POC5: variants seen among roughly 807,000 people sequenced by gnomAD.
POC5 encodes POC5 centriolar protein.
A neutral mutation model predicts 62.9 loss-of-function variants in POC5; 48 were observed. The observed-to-expected ratio is 0.76, with a 90% CI of 0.61 to 0.97. POC5 has a LOEUF of 0.97. Among genes scored for constraint, POC5 ranks in the 50% least tolerant of loss-of-function variants. POC5 has a pLI of 0.00. For missense variants in POC5, 696 were observed against 679.5 expected (o/e 1.02, Z -0.27); for synonymous variants, 236 against 228.2 (o/e 1.03, Z -0.31).
chr5:75,690,273 T>C, intron 8 of POC5, 110 bp downstream of exon 8: 1 of 998,240 alleles, frequency 1.0e-6, no homozygotes. Context: ...TTCATTTTTT[T>C]GTCTGCATTC....
At chr5:75,702,557 T>C (rs747479479) in intron 5 of POC5, 48 bp downstream of exon 5, 1 of 1,522,914 alleles carries the variant, frequency 6.6e-7, no homozygotes, top group African/African-American at 1.4e-5. Context: ...AGTAAAACTA[T>C]TACATTACAT....
intron 4 of POC5, among the ~76,000 whole-genome samples, chr5:75,704,046 T>G (rs539698817): frequency 7.9e-5 from 12 of 151,736 alleles, no homozygotes; most frequent in African/African-American, 2.4e-4. Flanking sequence ...TCCCAGCTAC[T>G]TGGGAGGCTG....
At chr5:75,689,838 AC>A (rs1306404449) in intron 8 of POC5, among the ~76,000 whole-genome samples, 1 of 152,204 alleles carries the variant, frequency 6.6e-6, no homozygotes, top group Non-Finnish European at 1.5e-5. Flanking sequence ...TCCCATGAAA[AC>A]AATGTTAATT....
intron 10 of POC5, among the ~76,000 whole-genome samples, chr5:75,682,500 T>C (rs1775904358): frequency 6.7e-6 from 1 of 149,126 alleles, no homozygotes; most frequent in Admixed American, 6.8e-5. Flanking sequence ...AGTTGAATTT[T>C]AGTGTTTTAT....
chr5:75,707,755 C>A lies in POC5; in HGVS notation c.205G>T (p.Asp69Tyr). ...ATATAACCTTGACTATGAAGAATAT[C>A]ATGAATTGTAGAAATTCTGACATCT... ...VPDVRISTIH[D>Y]ILHSQGNNSE... is the part of the protein sequence containing the mutation. Residue 69 changes from aspartate to tyrosine, a missense_variant, in exon 3 of 12, where the codon GAT becomes TAT. Coordinates refer to ENST00000428202, the MANE Select transcript of POC5 (RefSeq NM_001099271.2). 1 of 1,546,742 alleles carries A rather than the reference C, an allele frequency of 6.5e-7. No individual in the cohort carries two copies.
chr5:75,696,429 G>C (rs1580030719), intron 5 of POC5, among the ~76,000 whole-genome samples: 1 of 152,310 alleles, frequency 6.6e-6, no homozygotes, highest in East Asian at 1.9e-4. Flanking sequence ...CTAACTGGGA[G>C]GCACCCCCCA....
chr5:75,688,204 T>C (rs17649030), intron 9 of POC5, among the ~76,000 whole-genome samples: 10,360 of 152,298 alleles, frequency 0.068, 378 homozygotes, highest in South Asian at 0.11. Context: ...TCTTGAGACG[T>C]TGACTTGAAT....
rs764889771 is a variant in POC5 at position 75,702,752 on chromosome 5, A to G, written c.366T>C (p.Ser122=). ...KPSHPVMDFF[S]SHLLADSSSP... is the part of the protein sequence containing the mutation. ...AGGAAGAGTCAGCTAAAAGATGTGA[A>G]CTGAAAAAATCCATGACTGGGTGAG... is the stretch of plus-strand genomic sequence containing the variant. The change falls in exon 5 of 12, where the codon AGT becomes AGC. Residue 122 remains serine, a synonymous_variant. Transcript: ENST00000428202. The G allele has an allele frequency of 3.7e-6, 6 of 1,600,036 alleles. No individual in the cohort carries two copies. Among genetic ancestry groups the G allele is most frequent in the African/African-American group, 1.3e-5 (1 of 74,892 alleles).
At chr5:75,715,388 C>T (rs1580071665) in intron 1 of POC5, among the ~76,000 whole-genome samples, 1 of 151,678 alleles carries the variant, frequency 6.6e-6, no homozygotes, top group South Asian at 2.1e-4. Flanking sequence ...CTCACAGTTC[C>T]GCATGTCTGG....
chr5:75,709,740 T>C (rs1777267752), intron 2 of POC5: 1 of 152,218 alleles, frequency 6.6e-6, no homozygotes, highest in South Asian at 2.1e-4. Context: ...GCTTAATAAA[T>C]TGGGGCCATG....
intron 5 of POC5, among the ~76,000 whole-genome samples, chr5:75,698,952 A>C (rs1473793993): frequency 6.6e-6 from 1 of 150,664 alleles, no homozygotes; most frequent in Non-Finnish European, 1.5e-5. Flanking sequence ...CTATGCAAAT[A>C]AACTAGAAAA....
chr5:75,715,117 A>ACTAG (rs1777497679), intron 1 of POC5, among the ~76,000 whole-genome samples: 1 of 151,982 alleles, frequency 6.6e-6, no homozygotes, highest in African/African-American at 2.4e-5. Flanking sequence ...TCAAGACCAT[A>ACTAG]CTAGCTAACA....
chr5:75,685,138 A>C, intron 10 of POC5, 69 bp downstream of exon 10: 1 of 1,495,982 alleles, frequency 6.7e-7, no homozygotes, highest in Non-Finnish European at 9.0e-7. Flanking sequence ...AAGTGCTGGG[A>C]TTACAGGTGT....
At chr5:75,683,211 C>T (rs901027550) in intron 10 of POC5, among the ~76,000 whole-genome samples, 4 of 149,592 alleles carry the variant, frequency 2.7e-5, no homozygotes, top group Admixed American at 6.7e-5. Context: ...CAGATCCACA[C>T]CACAGCAGGA....
chr5:75,677,858 A>G lies in POC5; in HGVS notation c.1500T>C (p.Asn500=), dbSNP rs1376783059. 1.3e-5 allele frequency: 21 copies of G among 1,612,034 alleles called. No individual in the cohort carries two copies. The highest frequency in any genetic ancestry group is 1.6e-5 in the Non-Finnish European group (19 of 1,179,054). The change falls in exon 11 of 12, where the codon AAT becomes AAC. Residue 500 remains asparagine, a synonymous_variant. Coordinates refer to ENST00000428202, the MANE Select transcript of POC5 (RefSeq NM_001099271.2). ...TTATAGCTAAACTGCTGCTAATTCT[A>G]TTTTTTGAAGCAAAATCACATCTTC... ...ITGRCDFASK[N]RISSSLAIMG...
chr5:75,716,893 A>G (rs1299926282), intron 1 of POC5, among the ~76,000 whole-genome samples: 1 of 152,200 alleles, frequency 6.6e-6, no homozygotes, highest in Non-Finnish European at 1.5e-5. Flanking sequence ...CACTCAAGGA[A>G]AGGGGCGCGC....
rs1775575104 is a variant in POC5, at chr5:75,674,428, A to C, written c.*7T>G. On this transcript the variant is annotated 3_prime_UTR_variant, in exon 12 of 12. Coordinates refer to ENST00000428202, the MANE Select transcript of POC5 (RefSeq NM_001099271.2). ...GATTAAAAGACCCCACTATGGACAT[A>C]TTCACTTTAGTCAACCACTTTTATG... The C allele has an allele frequency of 3.1e-6, 5 of 1,613,554 alleles. No individual in the cohort carries two copies. In the South Asian group the frequency reaches 5.5e-5, roughly 18 times the overall value.
Position 75,678,600 on chromosome 5 carries a change from A to G in POC5, c.1408-650T>C, listed in dbSNP as rs192097788. Among the ~76,000 whole-genome samples the G allele has an allele frequency of 1.2e-4, 15 of 121,832 alleles. No individual in the cohort carries two copies. The East Asian group carries it at 3.2e-3, about 26-fold the overall frequency. The allele number at this position is 121,832 out of a possible 152,430, so 79.9% of individuals were successfully genotyped here. On this transcript the variant is annotated intron_variant, in intron 10 of 11. Transcript: ENST00000428202. ...TTCTGCCTTTTTTCCTTCTCATTTT[A>G]TTAATATACTTTTTTTTACGAGGTA...
At chr5:75,701,895 T>C (rs1403154099) in intron 5 of POC5, among the ~76,000 whole-genome samples, 2 of 152,190 alleles carry the variant, frequency 1.3e-5, no homozygotes, top group Admixed American at 6.5e-5. Context: ...ATTGCTAAAA[T>C]TGGATCTTTC....
Sources: allele counts gnomAD v4.1 joint callset (sites outside exome capture counted in the v4.1 genomes callset), GRCh38; gene constraint gnomAD v4.1.1; transcripts MANE v1.5; gene names NCBI Gene and HGNC (gene_info 2026-07-23, HGNC 2026-07-21).